The following ADARB2 variants were observed in gnomAD, a reference collection of about 807,000 sequenced individuals.
The protein encoded by ADARB2 is inactive double-stranded RNA-specific editase B2.
Under a neutral mutation model 62.2 loss-of-function variants are expected in ADARB2, and 25 were observed. The ratio of observed to expected loss-of-function variants is 0.40; its 90% CI spans 0.29 to 0.56. The LOEUF is 0.56. Among genes scored for constraint, ADARB2 ranks in the 20% least tolerant of loss-of-function variants. The pLI, the probability that ADARB2 is intolerant of heterozygous loss-of-function variation, is 0.43. For missense variants in ADARB2, 1,071 were observed against 1,077.4 expected (o/e 0.99, Z 0.08); for synonymous variants, 572 against 500.8 (o/e 1.14, Z -1.90).
intron 1 of ADARB2, among the ~76,000 whole-genome samples, chr10:1,508,808 C>T (rs112197940): frequency 0.01 from 1,556 of 152,260 alleles, 23 homozygotes; most frequent in African/African-American, 0.035. Context: ...GGAAAGAAGT[C>T]GTGCTTATTC....
At chr10:1,312,840 C>T (rs1831704970) in intron 3 of ADARB2, among the ~76,000 whole-genome samples, 1 of 152,222 alleles carries the variant, frequency 6.6e-6, no homozygotes, top group South Asian at 2.1e-4. Flanking sequence ...CCTGTGACCC[C>T]TCTGCCCATG....
rs1244172638 is a variant in ADARB2 at position 1,737,317 on chromosome 10, C to A, written c.-167G>T. The A allele has an allele frequency of 6.2e-6, 4 of 650,058 alleles. No individual in the cohort carries two copies. The highest frequency in any genetic ancestry group is 1.8e-5 in the African/African-American group (1 of 54,968). The allele number at this position is 650,058 out of a possible 1,614,324, so 40.3% of individuals were successfully genotyped here. A position where few individuals can be genotyped will look rare whatever the true frequency, so the allele number is the denominator to read the frequency against. Reference sequence around the variant, plus strand: ...AAGCGCGCTCCGTCTCTCTGTCTCTCGAATTGTTCTCTATGACTTGCTCCC... The same window carrying A: ...AAGCGCGCTCCGTCTCTCTGTCTCTAGAATTGTTCTCTATGACTTGCTCCC... On this transcript the variant is annotated 5_prime_UTR_variant, in exon 1 of 10. Coordinates refer to ENST00000381312, the MANE Select transcript of ADARB2 (RefSeq NM_018702.4).
At chr10:1,707,617 C>T (rs922766018) in intron 1 of ADARB2, among the ~76,000 whole-genome samples, 3 of 152,222 alleles carry the variant, frequency 2.0e-5, no homozygotes, top group Admixed American at 6.5e-5. Flanking sequence ...CTGTGCCTCA[C>T]CTGAGGACGG....
chr10:1,247,921 G>A (rs1047008608), intron 4 of ADARB2, among the ~76,000 whole-genome samples: 7 of 152,112 alleles, frequency 4.6e-5, no homozygotes, highest in African/African-American at 1.7e-4. Flanking sequence ...TCGGTGCTCT[G>A]GTTCCCCACA....
At position 1,243,456 on chromosome 10, in the gene ADARB2, A is replaced by G. The variant is rs555795143; in HGVS notation, c.1193-1157T>C. On this transcript the variant is annotated intron_variant, in intron 4 of 9. Transcript: ENST00000381312. ...GAAGCAGGCTTCCCTCCCATCTTAAATAAAAACAGTGCTGGCTGGTCATGA... is the reference window on the plus strand; with the variant it reads ...GAAGCAGGCTTCCCTCCCATCTTAAGTAAAAACAGTGCTGGCTGGTCATGA... 2.0e-5 allele frequency among the ~76,000 whole-genome samples: 3 copies of G among 152,360 alleles called. No homozygotes were observed. In the South Asian group the frequency reaches 6.2e-4, roughly 32 times the overall value.
chr10:1,650,814 G>A (rs1834100586), intron 1 of ADARB2, among the ~76,000 whole-genome samples: 3 of 152,184 alleles, frequency 2.0e-5, no homozygotes, highest in Non-Finnish European at 4.4e-5. Flanking sequence ...TGGGACATTT[G>A]CCCCTAGCAG....
intron 1 of ADARB2, among the ~76,000 whole-genome samples, chr10:1,613,297 A>G (rs1427596180): frequency 6.6e-6 from 1 of 152,232 alleles, no homozygotes; most frequent in East Asian, 1.9e-4. Context: ...GAATGTCTTC[A>G]AACCCATTCC....
intron 3 of ADARB2, 72 bp from the exon 4 acceptor site, chr10:1,271,141 C>A: frequency 7.9e-7 from 1 of 1,266,628 alleles, no homozygotes; most frequent in Non-Finnish European, 1.1e-6. Context: ...GCACTGTCCT[C>A]CCCGTCCTCA....
At chr10:1,253,836 T>C (rs958643561) in intron 4 of ADARB2, among the ~76,000 whole-genome samples, 2 of 152,222 alleles carry the variant, frequency 1.3e-5, no homozygotes, top group African/African-American at 4.8e-5. Context: ...GGGAGCAGCC[T>C]GCATGAAAAC....
chr10:1,399,778 T>C (rs1270251423), intron 1 of ADARB2, among the ~76,000 whole-genome samples: 1 of 152,202 alleles, frequency 6.6e-6, no homozygotes, highest in African/African-American at 2.4e-5. Context: ...ATTTGTGCTG[T>C]GTCACTAGGA....
At chr10:1,599,739 T>C (rs1218283306) in intron 1 of ADARB2, among the ~76,000 whole-genome samples, 1 of 152,084 alleles carries the variant, frequency 6.6e-6, no homozygotes, top group Non-Finnish European at 1.5e-5. Flanking sequence ...TTTGTGAAAC[T>C]TTGTTTTTTT....
chr10:1,424,161 C>T (rs1408865420), intron 1 of ADARB2, among the ~76,000 whole-genome samples: 2 of 152,136 alleles, frequency 1.3e-5, no homozygotes, highest in Non-Finnish European at 2.9e-5. Context: ...ACTATGTATG[C>T]AGTAGGTCCA....
intron 1 of ADARB2, among the ~76,000 whole-genome samples, chr10:1,491,538 A>G (rs1831622080): frequency 6.6e-6 from 1 of 152,208 alleles, no homozygotes; most frequent in Non-Finnish European, 1.5e-5. Context: ...ATCCTGCCTG[A>G]CAATTAGCAG....
intron 1 of ADARB2, among the ~76,000 whole-genome samples, chr10:1,673,421 C>T (rs959700290): frequency 3.3e-5 from 5 of 151,560 alleles, no homozygotes; most frequent in Admixed American, 2.0e-4. Context: ...CCTAAATGAA[C>T]GTTCATAATT....
intron 1 of ADARB2, among the ~76,000 whole-genome samples, chr10:1,442,003 A>G (rs568262485): frequency 1.3e-5 from 2 of 152,232 alleles, no homozygotes; most frequent in Non-Finnish European, 2.9e-5. Context: ...ATTCAGTTTC[A>G]GTCTGATTTT....
chr10:1,593,463 T>C (rs1833294368), intron 1 of ADARB2, among the ~76,000 whole-genome samples: 1 of 152,236 alleles, frequency 6.6e-6, no homozygotes, highest in Non-Finnish European at 1.5e-5. Flanking sequence ...TGCCCAATAC[T>C]CTTGAGTTTA....
intron 3 of ADARB2, among the ~76,000 whole-genome samples, chr10:1,341,267 C>T (rs1356156233): frequency 6.7e-6 from 1 of 150,052 alleles, no homozygotes; most frequent in Non-Finnish European, 1.5e-5. Flanking sequence ...CCACATGCCC[C>T]ACAGCGGCAA....
At chr10:1,205,025 A>T (rs758244517) in intron 7 of ADARB2, among the ~76,000 whole-genome samples, 22 of 151,972 alleles carry the variant, frequency 1.4e-4, no homozygotes, top group Non-Finnish European at 2.9e-4. Flanking sequence ...AGGTGCTGGG[A>T]TGATGCCACC....
intron 4 of ADARB2, among the ~76,000 whole-genome samples, chr10:1,251,213 T>C (rs1026255616): frequency 3.9e-5 from 6 of 152,192 alleles, no homozygotes; most frequent in Non-Finnish European, 7.4e-5. Context: ...GGATAAATCA[T>C]GGTACATTCA....
Sources: allele counts gnomAD v4.1 joint callset (sites outside exome capture counted in the v4.1 genomes callset), GRCh38; gene constraint gnomAD v4.1.1; transcripts MANE v1.5; gene names NCBI Gene and HGNC (gene_info 2026-07-23, HGNC 2026-07-21).